CMTM8: variants seen among roughly 807,000 people sequenced by gnomAD.
CMTM8 encodes CKLF like MARVEL transmembrane domain containing 8.
A neutral mutation model predicts 18.6 loss-of-function variants in CMTM8; 12 were observed. The ratio of observed to expected loss-of-function variants is 0.65; its 90% CI spans 0.41 to 1.05. The LOEUF (loss-of-function observed/expected upper bound fraction) is 1.05. Ranked by LOEUF, CMTM8 falls within the 50% of genes least tolerant of loss-of-function variation. The pLI, the probability that CMTM8 is intolerant of heterozygous loss-of-function variation, is 0.00. For missense variants in CMTM8, 217 were observed against 227.2 expected (o/e 0.95, Z 0.29); for synonymous variants, 87 against 90.6 (o/e 0.96, Z 0.23).
chr3:32,350,316 AG>A (rs1196571843), intron 1 of CMTM8, among the ~76,000 whole-genome samples: 20 of 150,282 alleles, frequency 1.3e-4, no homozygotes, highest in Admixed American at 8.6e-4. Flanking sequence ...CAGCTTTCTT[AG>A]GGTCATTAAG....
chr3:32,328,213 TA>T (rs144877167), intron 1 of CMTM8, among the ~76,000 whole-genome samples: 3,703 of 151,644 alleles, frequency 0.024, 149 homozygotes, highest in African/African-American at 0.085. Flanking sequence ...CCATCTCTAC[TA>T]AAAATACAAA....
chr3:32,249,775 G>A (rs1306360751), intron 1 of CMTM8, among the ~76,000 whole-genome samples: 1 of 152,084 alleles, frequency 6.6e-6, no homozygotes, highest in African/African-American at 2.4e-5. Flanking sequence ...TACATTCTGG[G>A]ATAAATCCCT....
At chr3:32,337,248 G>A (rs545354623) in intron 1 of CMTM8, among the ~76,000 whole-genome samples, 4 of 152,262 alleles carry the variant, frequency 2.6e-5, no homozygotes, top group Non-Finnish European at 5.9e-5. Context: ...AAACCACAGT[G>A]GAAACCAACA....
intron 1 of CMTM8, among the ~76,000 whole-genome samples, chr3:32,251,727 A>G (rs1424918743): frequency 1.3e-5 from 2 of 152,074 alleles, no homozygotes; most frequent in African/African-American, 4.8e-5. Context: ...TTAGCTAAAC[A>G]GGGCTTCCCA....
intron 1 of CMTM8, among the ~76,000 whole-genome samples, chr3:32,275,347 G>A (rs367662559): frequency 2.0e-5 from 3 of 152,164 alleles, no homozygotes; most frequent in African/African-American, 4.8e-5. Context: ...GAGACAAACA[G>A]ACTTGGCTTT....
intron 1 of CMTM8, among the ~76,000 whole-genome samples, chr3:32,266,378 G>C (rs920274374): frequency 1.3e-5 from 2 of 152,180 alleles, no homozygotes; most frequent in Non-Finnish European, 2.9e-5. Flanking sequence ...AATAGATGCA[G>C]AAAAGGCCTT....
chr3:32,326,515 CTTTTTTTTTTTTTT>C (rs58555396), intron 1 of CMTM8, among the ~76,000 whole-genome samples: 2 of 113,372 alleles, frequency 1.8e-5, no homozygotes, highest in African/African-American at 6.4e-5. Flanking sequence ...TTCTTTCTTT[CTTTTTTTTTTTTTT>C]TTTTTTTGAC....
chr3:32,260,752 G>C (rs1163649784), intron 1 of CMTM8, among the ~76,000 whole-genome samples: 1 of 151,100 alleles, frequency 6.6e-6, no homozygotes, highest in African/African-American at 2.4e-5. Context: ...AGTCACAGCT[G>C]GTGCCTCCTT....
At chr3:32,309,876 T>A (rs1056715927) in intron 1 of CMTM8, among the ~76,000 whole-genome samples, 1 of 152,198 alleles carries the variant, frequency 6.6e-6, no homozygotes, top group Admixed American at 6.5e-5. Flanking sequence ...ACTGCGGGCA[T>A]CCTGAACTTT....
intron 1 of CMTM8, among the ~76,000 whole-genome samples, chr3:32,246,645 A>T (rs1702019558): frequency 6.6e-6 from 1 of 152,192 alleles, no homozygotes; most frequent in South Asian, 2.1e-4. Context: ...ATGGCCACAT[A>T]GTATTCCATA....
At chr3:32,248,693 T>G (rs1559361033) in intron 1 of CMTM8, among the ~76,000 whole-genome samples, 1 of 151,810 alleles carries the variant, frequency 6.6e-6, no homozygotes, top group African/African-American at 2.4e-5. Flanking sequence ...TTAAAAGTGT[T>G]TTTTTTTAGA....
In CMTM8 at chr3:32,345,447, G is replaced by A. The variant is rs114436115; in HGVS notation, c.148-11926G>A. ...CAAGCACTTTCCTTCTATAGCACAA[G>A]GCAGCAATTGAAATATTTGATGTTT... On this transcript the variant is annotated intron_variant, in intron 1 of 3. Transcript: ENST00000307526. 8.1e-3 allele frequency among the ~76,000 whole-genome samples: 1,226 copies of A among 152,166 alleles called. 21 individuals carry two copies. The highest frequency in any genetic ancestry group is 0.028 in the African/African-American group (1,173 of 41,490).
intron 1 of CMTM8, among the ~76,000 whole-genome samples, chr3:32,332,834 T>A (rs560858985): frequency 6.6e-6 from 1 of 152,268 alleles, no homozygotes; most frequent in Admixed American, 6.5e-5. Context: ...CCCTCATTGG[T>A]CCTCAAAAGG....
rs535640781 is a variant in CMTM8, at chr3:32,281,123, T to A, written c.147+42004T>A. The stretch of plus-strand genomic sequence containing the variant: ...GAGGTTTGATGCTCCTGTGTATGAC[T>A]ATTAGTATGTAGAGATACCTTGTAG... On this transcript the variant is annotated intron_variant, in intron 1 of 3. Coordinates refer to ENST00000307526, the MANE Select transcript of CMTM8 (RefSeq NM_178868.5). 6.6e-5 allele frequency among the ~76,000 whole-genome samples: 10 copies of A among 152,318 alleles called. No homozygotes were observed. The South Asian group carries it at 2.1e-3, about 32-fold the overall frequency.
chr3:32,278,568 C>T (rs946114387), intron 1 of CMTM8, among the ~76,000 whole-genome samples: 17 of 152,150 alleles, frequency 1.1e-4, no homozygotes, highest in African/African-American at 3.4e-4. Context: ...CACCTCCATG[C>T]TTTTATATTT....
intron 1 of CMTM8, among the ~76,000 whole-genome samples, chr3:32,318,671 A>G (rs58483154): frequency 0.11 from 15,559 of 147,336 alleles, 830 homozygotes; most frequent in Middle Eastern, 0.15. Context: ...GGTTCACACC[A>G]TTCTCCTGCC....
chr3:32,249,124 A>G (rs1291841199), intron 1 of CMTM8, among the ~76,000 whole-genome samples: 1 of 135,852 alleles, frequency 7.4e-6, no homozygotes, highest in African/African-American at 2.8e-5. Context: ...GTAATGTGGA[A>G]TCTTTATGTT....
intron 1 of CMTM8, among the ~76,000 whole-genome samples, chr3:32,277,176 C>T (rs897243374): frequency 1.3e-5 from 2 of 152,086 alleles, no homozygotes; most frequent in African/African-American, 4.8e-5. Context: ...TATGCTCCAA[C>T]ACTCCCAGCC....
intron 1 of CMTM8, among the ~76,000 whole-genome samples, chr3:32,246,328 A>G (rs752450431): frequency 9.2e-5 from 14 of 152,046 alleles, no homozygotes; most frequent in Non-Finnish European, 1.8e-4. Flanking sequence ...CAGGTTCTGG[A>G]CATTCATTCC....
Sources: gnomAD v4.1 joint callset for allele counts (sites outside exome capture counted in the v4.1 genomes callset) on GRCh38, gnomAD v4.1.1 for gene constraint, MANE v1.5 for transcripts, NCBI Gene and HGNC (gene_info 2026-07-23, HGNC 2026-07-21) for gene names.